The following GYS1 variants were observed in gnomAD, a reference collection of about 807,000 sequenced individuals.
GYS1 encodes glycogen [starch] synthase, muscle.
In GYS1, 60 loss-of-function variants were observed where a neutral mutation model predicts 89.1. That is an observed-to-expected ratio of 0.67 (90% CI 0.55 to 0.84). The LOEUF (loss-of-function observed/expected upper bound fraction) is 0.84. Among genes scored for constraint, GYS1 ranks in the 40% least tolerant of loss-of-function variants. The pLI, the probability that GYS1 is intolerant of heterozygous loss-of-function variation, is 0.00. For missense variants in GYS1, 888 were observed against 1,003.1 expected (o/e 0.89, Z 1.55); for synonymous variants, 366 against 401.7 (o/e 0.91, Z 1.06).
At chr19:48,970,796 TC>T (rs2122461367) in intron 13 of GYS1, 87 bp from the exon 14 acceptor site, 1 of 1,465,094 alleles carries the variant, frequency 6.8e-7, no homozygotes, top group South Asian at 1.1e-5. Flanking sequence ...ACCCCTCCTC[TC>T]CCAGCGGCCC....
At chr19:48,973,703 G>C (rs1361553107) in intron 12 of GYS1, among the ~76,000 whole-genome samples, 1 of 151,956 alleles carries the variant, frequency 6.6e-6, no homozygotes, top group Non-Finnish European at 1.5e-5. Context: ...ATTTTTAGTA[G>C]AGACAGGGTT....
Position 48,968,729 on chromosome 19 carries a change from A to T in GYS1, c.*559T>A, listed in dbSNP as rs765843177. On this transcript the variant is annotated 3_prime_UTR_variant, in exon 16 of 16. Transcript: ENST00000323798. ...TGGCTCTGACATGCCAGGGAGGGCT[A>T]GAACATCCCTCCCAGAGCCCCACTT... The T allele has an allele frequency of 2.2e-5, 10 of 454,040 alleles. No individual in the cohort carries two copies. The highest frequency in any genetic ancestry group is 1.6e-4 in the South Asian group (10 of 64,488). 28.1% of individuals were successfully genotyped at this position (454,040 alleles called of 1,614,324 possible).
At chr19:48,989,481 G>A (rs1256447634) in intron 2 of GYS1, among the ~76,000 whole-genome samples, 16 of 127,870 alleles carry the variant, frequency 1.3e-4, no homozygotes, top group South Asian at 2.5e-4. Flanking sequence ...GATTCTATCT[G>A]AAAAAAAAAA....
Position 48,974,214 on chromosome 19 carries a change from C to T in GYS1, c.1548G>A (p.Pro516=), listed in dbSNP as rs1460204907. Residue 516 remains proline, a splice_region_variant and synonymous_variant, in exon 12 of 16, where the codon CCG becomes CCA. Coordinates refer to ENST00000323798, the MANE Select transcript of GYS1 (RefSeq NM_002103.5). ...CTGTCCCCTGCCCACTACACTCACC[C>T]GGTGTGTAGCCCCAAGGCTCATAGT... ...PSYYEPWGYT[P]AECTVMGIPS... 10 of 1,600,038 alleles carry T rather than the reference C, an allele frequency of 6.2e-6. No individual in the cohort carries two copies. The highest frequency in any genetic ancestry group is 7.7e-6 in the Non-Finnish European group (9 of 1,172,972).
At chr19:48,981,350 T>A in intron 8 of GYS1, 180 bp downstream of exon 8, 2 of 606,284 alleles carry the variant, frequency 3.3e-6, no homozygotes. Flanking sequence ...GAGGTGGAGG[T>A]TGCAGTGAGC....
intron 2 of GYS1, among the ~76,000 whole-genome samples, chr19:48,989,821 C>T (rs1488344727): frequency 2.6e-5 from 4 of 152,244 alleles, no homozygotes; most frequent in African/African-American, 9.6e-5. Context: ...TGTCTCACTT[C>T]TGCCTCTGCC....
At chr19:48,983,777 C>T (rs1471532937) in intron 5 of GYS1, among the ~76,000 whole-genome samples, 1 of 152,112 alleles carries the variant, frequency 6.6e-6, no homozygotes, top group African/African-American at 2.4e-5. Flanking sequence ...TCTTCCATTC[C>T]CTTTCATAAG....
chr19:48,991,483 A>G lies in GYS1; in HGVS notation c.119T>C (p.Val40Ala). The change falls in exon 2 of 16, where the codon GTG (valine) becomes GCG (alanine). Residue 40 changes from valine (V) to alanine (A), a missense_variant and splice_region_variant. Physicochemically the swap from Val to Ala is moderately conservative, Grantham distance 64 (BLOSUM62 0). Transcript: ENST00000323798. The surrounding 1 kb of genome is among the most constrained non-coding windows in gnomAD (Gnocchi z 4.7). Reference protein sequence around the residue: ...FEVAWEVANKVGGIYTVLQTK... With the variant: ...FEVAWEVANKAGGIYTVLQTK... ...CTGCAGCACCGTGTAGATGCCACCC[A>G]CTGTGGGCCCAAGCGTGTGAGGGCA... The G allele has an allele frequency of 6.3e-7, 1 of 1,599,892 alleles. No homozygotes were observed. Among genetic ancestry groups the G allele is most frequent in the Non-Finnish European group, 8.5e-7 (1 of 1,172,032 alleles).
At chr19:48,990,543 C>G (rs1486734594) in intron 2 of GYS1, among the ~76,000 whole-genome samples, 1 of 152,184 alleles carries the variant, frequency 6.6e-6, no homozygotes, top group East Asian at 1.9e-4. Context: ...CTGTTAGTAA[C>G]AATAATGACG....
rs529947880 is a variant in GYS1, at chr19:48,969,638, C to T, written c.1891-27G>A. 3.2e-6 allele frequency: 5 copies of T among 1,561,104 alleles called. No homozygotes were observed. The South Asian group carries it at 5.7e-5, about 18-fold the overall frequency. On this transcript the variant is annotated intron_variant, in intron 15 of 15. Transcript: ENST00000323798. ...TGCATACGGCGATGTGGGTGCAAAC[C>T]AGGGTGAGCTGAGGACCTCACAGTC...
chr19:48,976,052 G>T (rs914695345), intron 10 of GYS1, among the ~76,000 whole-genome samples: 4 of 152,044 alleles, frequency 2.6e-5, no homozygotes, highest in Non-Finnish European at 5.9e-5. Flanking sequence ...GACTGCTGGG[G>T]TGTATAGTTC....
chr19:48,976,740 G>C (rs1332172432), intron 10 of GYS1, among the ~76,000 whole-genome samples: 1 of 152,078 alleles, frequency 6.6e-6, no homozygotes, highest in African/African-American at 2.4e-5. Flanking sequence ...TGGCTGTCTT[G>C]ACCTTTTCTT....
At chr19:48,973,670 C>G (rs1343246330) in intron 12 of GYS1, among the ~76,000 whole-genome samples, 1 of 152,008 alleles carries the variant, frequency 6.6e-6, no homozygotes, top group Non-Finnish European at 1.5e-5. Flanking sequence ...AGGTGCGTAC[C>G]ACCACACCTG....
At position 48,971,015 on chromosome 19, in the gene GYS1, T is replaced by C; in HGVS notation, c.1558A>G (p.Thr520Ala). The change falls in exon 13 of 16, where the codon ACG (threonine) becomes GCG (alanine). Residue 520 changes from threonine to alanine, a missense_variant. Physicochemically the swap from Thr to Ala is moderately conservative, Grantham distance 58. Coordinates refer to ENST00000323798, the MANE Select transcript of GYS1 (RefSeq NM_002103.5). ...EPWGYTPAEC[T>A]VMGIPSISTN... The stretch of plus-strand genomic sequence containing the variant: ...GAGATACTGGGGATTCCCATAACCG[T>C]GCACTCAGCTGCGGGAAGGCAGGAG... The C allele has an allele frequency of 6.2e-7, 1 of 1,612,706 alleles. No individual in the cohort carries two copies.
chr19:48,982,068 T>G (rs1057512645), intron 7 of GYS1, among the ~76,000 whole-genome samples, 187 bp downstream of exon 7: 1 of 152,082 alleles, frequency 6.6e-6, no homozygotes, highest in South Asian at 2.1e-4. Flanking sequence ...AATTTTTGTA[T>G]TTTTTGTAGA....
chr19:48,992,440 T>TA (rs1351733881), intron 1 of GYS1, among the ~76,000 whole-genome samples: 2 of 55,918 alleles, frequency 3.6e-5, no homozygotes, highest in Non-Finnish European at 6.6e-5. Flanking sequence ...CCTCTACTCC[T>TA]AGGAACTAAT....
At position 48,981,546 on chromosome 19, in the gene GYS1, C is replaced by G. The variant is rs773273879; in HGVS notation, c.1153G>C (p.Val385Leu). ...GCTGCTAACCAAAGCTGTTTGCGCA[C>G]AGCTTGGCCTTTGAGGGTTTCCACG... ...FNVETLKGQA[V>L]RKQLWDTANT... is the part of the protein sequence containing the mutation. The change falls in exon 8 of 16, where the codon GTG (valine) becomes CTG (leucine). Residue 385 changes from valine to leucine, a missense_variant. By Grantham distance (32) the Val-to-Leu change is conservative. Coordinates refer to ENST00000323798, the MANE Select transcript of GYS1 (RefSeq NM_002103.5). The G allele has an allele frequency of 6.2e-7, 1 of 1,609,566 alleles. No homozygotes were observed. The highest frequency in any genetic ancestry group is 1.3e-5 in the African/African-American group (1 of 74,844).
Position 48,982,334 on chromosome 19 carries a change from A to G in GYS1, c.983T>C (p.Ile328Thr), listed in dbSNP as rs2038778739. 6.2e-7 allele frequency: 1 copy of G among 1,613,846 alleles called. No individual in the cohort carries two copies. The highest frequency in any genetic ancestry group is 1.3e-5 in the African/African-American group (1 of 74,882). Residue 328 changes from isoleucine to threonine, a missense_variant, in exon 7 of 16, where the codon ATC (isoleucine) becomes ACC (threonine). Transcript: ENST00000323798. ...GTTGGAGAACTCATAGCGGCCGGCG[A>G]TAAAGAAGTATAAGGTCTTGTCCAA... is the stretch of plus-strand genomic sequence containing the variant. ...FNLDKTLYFF[I>T]AGRYEFSNKG... is the part of the protein sequence containing the mutation.
chr19:48,987,251 G>T lies in GYS1; in HGVS notation c.435C>A (p.Asp145Glu). Residue 145 changes from aspartate to glutamate, a missense_variant, in exon 3 of 16, where the codon GAC becomes GAA. Asp to Glu is a conservative substitution (Grantham distance 45). Transcript: ENST00000323798. ...DTCNIGVPWY[D>E]REANDAVLFG... ...AGAGGACAGCGTCGTTGGCCTCGCGGTCGTACCACGGCACTCCGATGTTGC... is the reference window on the plus strand; with the variant it reads ...AGAGGACAGCGTCGTTGGCCTCGCGTTCGTACCACGGCACTCCGATGTTGC... 6.2e-7 allele frequency: 1 copy of T among 1,613,472 alleles called. No individual in the cohort carries two copies. The highest frequency in any genetic ancestry group is 8.5e-7 in the Non-Finnish European group (1 of 1,179,726).
Sources: allele counts gnomAD v4.1 joint callset (sites outside exome capture counted in the v4.1 genomes callset), GRCh38; gene constraint gnomAD v4.1.1; non-coding constraint Gnocchi (gnomAD v3.1); transcripts MANE v1.5; gene names NCBI Gene and HGNC (gene_info 2026-07-23, HGNC 2026-07-21).